LEKR1: variants seen among roughly 807,000 people sequenced by gnomAD.
LEKR1 encodes the protein leucine, glutamate and lysine rich 1.
LEKR1 carries 59 observed loss-of-function variants against 72.4 expected under a neutral mutation model. The observed-to-expected ratio is 0.82, with a 90% CI of 0.66 to 1.01. The LOEUF (loss-of-function observed/expected upper bound fraction) is 1.01. Ranked by LOEUF, LEKR1 falls within the 50% of genes least tolerant of loss-of-function variation. The pLI, the probability that LEKR1 is intolerant of heterozygous loss-of-function variation, is 0.00. For synonymous variants in LEKR1, 257 were observed against 263.2 expected, an observed-to-expected ratio of 0.98 and a Z score of 0.23; for missense variants, 728 against 759.2, an observed-to-expected ratio of 0.96 and a Z score of 0.48.
intron 9 of LEKR1, among the ~76,000 whole-genome samples, chr3:157,010,422 T>A (rs904013577): frequency 6.6e-6 from 1 of 152,074 alleles, no homozygotes; most frequent in East Asian, 1.9e-4. Flanking sequence ...AAAGGAAAGA[T>A]CATAGGAGAT....
chr3:156,889,587 C>T (rs1720451479), intron 3 of LEKR1, among the ~76,000 whole-genome samples: 1 of 152,130 alleles, frequency 6.6e-6, no homozygotes, highest in Admixed American at 6.6e-5. Flanking sequence ...TACCACCTAA[C>T]TCTTTTCCTC....
chr3:156,938,914 A>G (rs1358468401), intron 5 of LEKR1, among the ~76,000 whole-genome samples: 4 of 152,228 alleles, frequency 2.6e-5, no homozygotes, highest in African/African-American at 9.6e-5. Context: ...AAACAAAAAA[A>G]CTTATCAAGG....
At chr3:156,878,969 A>C (rs1718951005) in intron 3 of LEKR1, among the ~76,000 whole-genome samples, 1 of 149,932 alleles carries the variant, frequency 6.7e-6, no homozygotes, top group Non-Finnish European at 1.5e-5. Context: ...AGTCCATTAA[A>C]CCTCTTTTTT....
At chr3:156,956,764 A>T (rs1367424198) in intron 6 of LEKR1, among the ~76,000 whole-genome samples, 1 of 152,002 alleles carries the variant, frequency 6.6e-6, no homozygotes, top group East Asian at 1.9e-4. Flanking sequence ...ACAAAAAAGT[A>T]TTTGTTTCAT....
intron 5 of LEKR1, among the ~76,000 whole-genome samples, chr3:156,929,707 A>G (rs1725033640): frequency 6.6e-6 from 1 of 152,106 alleles, no homozygotes; most frequent in African/African-American, 2.4e-5. Context: ...TGTTAAAGGG[A>G]CTGTTTTCAT....
At chr3:157,041,549 A>C (rs1209674373) in intron 12 of LEKR1, among the ~76,000 whole-genome samples, 2 of 152,050 alleles carry the variant, frequency 1.3e-5, no homozygotes, top group Non-Finnish European at 1.5e-5. Flanking sequence ...CCCCGTGTGC[A>C]CCTGCCTGAG....
chr3:156,862,699 A>G (rs564259936), intron 3 of LEKR1, among the ~76,000 whole-genome samples: 24 of 152,216 alleles, frequency 1.6e-4, no homozygotes, highest in East Asian at 1.2e-3. Context: ...GACTAATTTC[A>G]CAAAGGAAGT....
At chr3:156,976,424 A>C (rs1729701804) in intron 6 of LEKR1, among the ~76,000 whole-genome samples, 1 of 152,112 alleles carries the variant, frequency 6.6e-6, no homozygotes, top group Non-Finnish European at 1.5e-5. Flanking sequence ...GGGGCCATTT[A>C]ATAGTAAGGT....
chr3:156,991,756 G>A (rs767516636), intron 7 of LEKR1, among the ~76,000 whole-genome samples: 2 of 152,100 alleles, frequency 1.3e-5, no homozygotes, highest in Non-Finnish European at 2.9e-5. Flanking sequence ...TTTGAGCAAA[G>A]TGAATAATTA....
chr3:157,043,349 G>C (rs1437162923), intron 12 of LEKR1, among the ~76,000 whole-genome samples: 1 of 151,966 alleles, frequency 6.6e-6, no homozygotes, highest in African/African-American at 2.4e-5. Flanking sequence ...TCTACTAGTA[G>C]GCAAAAAATA....
chr3:156,966,244 C>A (rs1420697282), intron 6 of LEKR1, among the ~76,000 whole-genome samples: 1 of 152,076 alleles, frequency 6.6e-6, no homozygotes, highest in Non-Finnish European at 1.5e-5. Flanking sequence ...AACTGAGGTA[C>A]TGGGTTCATC....
At chr3:156,908,239 T>C (rs1722725442) in intron 3 of LEKR1, among the ~76,000 whole-genome samples, 1 of 152,160 alleles carries the variant, frequency 6.6e-6, no homozygotes, top group Non-Finnish European at 1.5e-5. Flanking sequence ...TATCTTGTGG[T>C]AGATATTTTG....
chr3:157,004,863 T>A (rs1043317810), intron 9 of LEKR1, among the ~76,000 whole-genome samples: 4 of 151,520 alleles, frequency 2.6e-5, no homozygotes, highest in Non-Finnish European at 4.4e-5. Context: ...GAAAAAAAGG[T>A]TTCAGCTTCC....
chr3:156,895,820 A>G (rs1184252609), intron 3 of LEKR1, among the ~76,000 whole-genome samples: 2 of 152,170 alleles, frequency 1.3e-5, no homozygotes, highest in African/African-American at 4.8e-5. Flanking sequence ...AAAGTTCTAG[A>G]AGGAGAAATA....
chr3:156,876,702 C>G (rs192900431), intron 3 of LEKR1, among the ~76,000 whole-genome samples: 1 of 152,280 alleles, frequency 6.6e-6, no homozygotes, highest in Admixed American at 6.5e-5. Context: ...ACTCATTTAT[C>G]AGATCCAGGA....
At chr3:156,912,386 G>A (rs557676691) in intron 3 of LEKR1, among the ~76,000 whole-genome samples, 1 of 152,114 alleles carries the variant, frequency 6.6e-6, no homozygotes, top group Non-Finnish European at 1.5e-5. Context: ...AGTAGAGTTC[G>A]CATAAGGAGT....
intron 10 of LEKR1, among the ~76,000 whole-genome samples, chr3:157,014,510 C>T (rs1263140755): frequency 6.6e-6 from 1 of 152,052 alleles, no homozygotes; most frequent in Admixed American, 6.5e-5. Context: ...TAATTCCTAA[C>T]GTGTTTTAGT....
intron 8 of LEKR1, 107 bp downstream of exon 8, chr3:156,992,837 G>GT (rs1239542474): frequency 3.1e-6 from 1 of 317,612 alleles, no homozygotes; most frequent in Non-Finnish European, 5.5e-6. Context: ...TTTTCTTATT[G>GT]TTTACATATA....
intron 3 of LEKR1, among the ~76,000 whole-genome samples, chr3:156,884,141 T>A (rs1719801908): frequency 6.6e-6 from 1 of 152,182 alleles, no homozygotes; most frequent in Non-Finnish European, 1.5e-5. Flanking sequence ...TGCCACCCCT[T>A]TGCCTTAAAT....
Sources: allele counts gnomAD v4.1 joint callset (sites outside exome capture counted in the v4.1 genomes callset), GRCh38; gene constraint gnomAD v4.1.1; transcripts MANE v1.5; gene names NCBI Gene and HGNC (gene_info 2026-07-23, HGNC 2026-07-21).